The following USP50 variants were observed in gnomAD, a reference collection of about 807,000 sequenced individuals.
The protein encoded by USP50 is ubiquitin specific peptidase 50.
In USP50, 37 loss-of-function variants were observed where a neutral mutation model predicts 39.2. The ratio of observed to expected loss-of-function variants is 0.94; its 90% confidence interval spans 0.73 to 1.24. USP50 has a LOEUF of 1.24. Ranked by LOEUF, USP50 falls within the 50% of genes most tolerant of loss-of-function variation. The probability of loss-of-function intolerance (pLI) is 0.00; values close to 1 mark genes in which losing one functional copy is unlikely to be tolerated. For missense variants in USP50, 374 were observed against 398.2 expected, an observed-to-expected ratio of 0.94 and a Z score of 0.52; for synonymous variants, 139 against 144.5, an observed-to-expected ratio of 0.96 and a Z score of 0.27.
chr15:50,508,189 T>TA (rs762480722), intron 6 of USP50: 28 of 150,762 alleles, frequency 1.9e-4, no homozygotes, highest in Non-Finnish European at 3.2e-4. Context: ...TTTTGGAAAT[T>TA]AAAAAAACAC....
intron 6 of USP50, among the ~76,000 whole-genome samples, chr15:50,522,629 C>A (rs1005479084): frequency 1.3e-5 from 2 of 152,062 alleles, no homozygotes; most frequent in Non-Finnish European, 2.9e-5. Flanking sequence ...AAATCCTCAA[C>A]AAAATAGTAG....
intron 6 of USP50, among the ~76,000 whole-genome samples, chr15:50,518,786 C>G (rs1345067016): frequency 1.3e-5 from 2 of 152,034 alleles, no homozygotes; most frequent in African/African-American, 4.8e-5. Context: ...AAAGCACAGG[C>G]AACAAATTGA....
intron 6 of USP50, among the ~76,000 whole-genome samples, chr15:50,525,431 G>T (rs1017448097): frequency 6.6e-6 from 1 of 151,284 alleles, no homozygotes; most frequent in African/African-American, 2.4e-5. Flanking sequence ...GTGAGGTGAG[G>T]AATATGTTAG....
chr15:50,536,283 G>A (rs1225127842), intron 5 of USP50, among the ~76,000 whole-genome samples: 1 of 152,164 alleles, frequency 6.6e-6, no homozygotes, highest in South Asian at 2.1e-4. Flanking sequence ...TAGCAAGATT[G>A]TAGGATACAA....
chr15:50,497,221 C>T (rs779376532), downstream of USP50: 1 of 1,602,290 alleles, frequency 6.2e-7, no homozygotes, highest in Non-Finnish European at 8.5e-7. Flanking sequence ...GCTTTTAGTG[C>T]ATCTGAAACG....
chr15:50,514,822 CT>C (rs113913047), intron 6 of USP50, among the ~76,000 whole-genome samples: 7 of 152,032 alleles, frequency 4.6e-5, no homozygotes, highest in East Asian at 3.9e-4. Context: ...GCCACCACCC[CT>C]GGCCTACAAA....
chr15:50,494,327 T>C, intron 1 of USP50: 1 of 1,491,970 alleles, frequency 6.7e-7, no homozygotes, highest in Non-Finnish European at 9.0e-7. Context: ...TTAGGGTTGC[T>C]CAGTAGCACT....
chr15:50,495,777 C>A, downstream of USP50: 1 of 1,239,838 alleles, frequency 8.1e-7, no homozygotes, highest in Non-Finnish European at 1.1e-6. Context: ...TGTTTGTATT[C>A]ACTTTTATTC....
At chr15:50,506,976 A>T (rs914753740) in intron 6 of USP50, 2 of 152,564 alleles carry the variant, frequency 1.3e-5, no homozygotes, top group African/African-American at 2.4e-5. Context: ...AAAAAAAAAA[A>T]AAAAAAAAAA....
chr15:50,532,215 T>C, intron 5 of USP50: 1 of 456,058 alleles, frequency 2.2e-6, no homozygotes, highest in Middle Eastern at 3.3e-4. Flanking sequence ...TAGAGACAAA[T>C]CTCCTCATGC....
downstream of USP50, chr15:50,495,822 T>C (rs2052378062): frequency 2.6e-6 from 4 of 1,552,322 alleles, no homozygotes; most frequent in Non-Finnish European, 8.8e-7. Flanking sequence ...GATATTAATA[T>C]AGAGCTTAAA....
rs150895561 is a variant in USP50, at chr15:50,517,332, T to A, written c.936+12465A>T. On this transcript the variant is annotated intron_variant, in intron 6 of 6. Transcript: ENST00000532404. Reference sequence around the variant, plus strand: ...CTAAAAATACAAAAAATTAGCCAGGTGTGTTGGTGGGCGCCTGTAATCCCA... The same window carrying A: ...CTAAAAATACAAAAAATTAGCCAGGAGTGTTGGTGGGCGCCTGTAATCCCA... Among the ~76,000 whole-genome samples, 234 of 151,834 alleles carry A rather than the reference T, an allele frequency of 1.5e-3. 1 individual carries two copies. The highest frequency in any genetic ancestry group is 5.2e-3 in the African/African-American group (214 of 41,390).
At chr15:50,535,160 C>G (rs568590792) in intron 5 of USP50, among the ~76,000 whole-genome samples, 1 of 151,940 alleles carries the variant, frequency 6.6e-6, no homozygotes, top group Non-Finnish European at 1.5e-5. Context: ...CACACACACA[C>G]ACACAAAAAT....
chr15:50,515,382 TG>T (rs1878509552), intron 6 of USP50, among the ~76,000 whole-genome samples: 2 of 151,944 alleles, frequency 1.3e-5, no homozygotes, highest in African/African-American at 4.8e-5. Context: ...GCTGAGATTA[TG>T]GGCATGTGCC....
At chr15:50,493,851 G>A (rs563350531), downstream of USP50, 2 of 689,992 alleles carry the variant, frequency 2.9e-6, no homozygotes, top group African/African-American at 3.5e-5. Flanking sequence ...TTGATGATGA[G>A]GAGACCATGC....
At chr15:50,494,424 C>T in intron 1 of USP50, 1 of 668,248 alleles carries the variant, frequency 1.5e-6, no homozygotes, top group South Asian at 2.6e-5. Flanking sequence ...AATTATAAAA[C>T]ATCAGGTAAG....
chr15:50,521,360 C>T (rs2052849194), intron 6 of USP50, among the ~76,000 whole-genome samples: 1 of 152,092 alleles, frequency 6.6e-6, no homozygotes, highest in African/African-American at 2.4e-5. Context: ...CCAATTTGAT[C>T]AGTACATATT....
intron 6 of USP50, among the ~76,000 whole-genome samples, chr15:50,525,606 GTATATATGTATAT>G (rs1566907620): frequency 6.2e-5 from 8 of 128,276 alleles, no homozygotes; most frequent in Non-Finnish European, 9.7e-5. Context: ...ATATGTATAT[GTATATATGTATAT>G]ATGTATATGT....
chr15:50,515,672 ATT>A, intron 6 of USP50, among the ~76,000 whole-genome samples: 1 of 148,636 alleles, frequency 6.7e-6, no homozygotes. Flanking sequence ...ATATATATAT[ATT>A]TAAACACTTT....
Sources: allele counts gnomAD v4.1 joint callset (sites outside exome capture counted in the v4.1 genomes callset), GRCh38; gene constraint gnomAD v4.1.1; transcripts MANE v1.5; gene names NCBI Gene and HGNC (gene_info 2026-07-23, HGNC 2026-07-21).